Variants in GRM5 observed in about 807,000 individuals in gnomAD.
GRM5 encodes the protein metabotropic glutamate receptor 5.
GRM5 carries 19 observed loss-of-function variants against 83.1 expected under a neutral mutation model. The observed-to-expected ratio is 0.23, with a 90% CI of 0.16 to 0.34. The LOEUF (loss-of-function observed/expected upper bound fraction) is 0.34. GRM5 is among the 10% of genes least tolerant of loss of function. The pLI is 1.00. For missense variants in GRM5, 1,160 were observed against 1,588.3 expected, an observed-to-expected ratio of 0.73 and a Z score of 4.58; for synonymous variants, 675 against 633.6, an observed-to-expected ratio of 1.07 and a Z score of -0.98.
intron 4 of GRM5, among the ~76,000 whole-genome samples, chr11:88,615,369 G>A (rs1460387126): frequency 1.3e-5 from 2 of 152,130 alleles, no homozygotes; most frequent in African/African-American, 2.4e-5. Context: ...TGATGCTTAT[G>A]TATTTTACAG....
At chr11:88,687,543 C>T (rs1565187021) in intron 3 of GRM5, among the ~76,000 whole-genome samples, 213 of 17,976 alleles carry the variant, frequency 0.012, 7 homozygotes, top group Admixed American at 0.056. Flanking sequence ...TATATACACA[C>T]ACACACACAC....
intron 3 of GRM5, among the ~76,000 whole-genome samples, chr11:88,681,697 A>T (rs1940496998): frequency 6.8e-6 from 1 of 147,696 alleles, no homozygotes; most frequent in Non-Finnish European, 1.5e-5. Context: ...CAGCCTCCCA[A>T]GTAGCTGGGA....
intron 2 of GRM5, among the ~76,000 whole-genome samples, chr11:89,028,246 A>G (rs1204146098): frequency 3.9e-5 from 6 of 152,152 alleles, no homozygotes; most frequent in Admixed American, 3.9e-4. Flanking sequence ...ACATCCACGC[A>G]GCACTTATCC....
At chr11:88,651,613 C>A (rs1216573605) in intron 4 of GRM5, among the ~76,000 whole-genome samples, 1 of 152,044 alleles carries the variant, frequency 6.6e-6, no homozygotes, top group African/African-American at 2.4e-5. Context: ...TATTGTTTCT[C>A]ACGTATTTTG....
rs375207981 is a variant in GRM5 at position 88,569,195 on chromosome 11, C to T, written c.1691-1203G>A. The stretch of plus-strand genomic sequence containing the variant: ...TGACATGGGCATCAGGATTTTTTAA[C>T]AATACTGCAAGTGCTTCTAATGTGC... On this transcript the variant is annotated intron_variant, in intron 7 of 9. Transcript: ENST00000305447. 8.5e-5 allele frequency among the ~76,000 whole-genome samples: 13 copies of T among 152,236 alleles called. 1 individual carries two copies. Among genetic ancestry groups the T allele is most frequent in the Middle Eastern group, 6.8e-3 (2 of 294 alleles).
At chr11:88,575,112 G>C (rs1943081878) in intron 7 of GRM5, among the ~76,000 whole-genome samples, 5 of 150,746 alleles carry the variant, frequency 3.3e-5, no homozygotes, top group Admixed American at 3.3e-4. Context: ...TGGCATGATT[G>C]CTTTCTCCAA....
chr11:88,838,351 T>G (rs1230002826), intron 3 of GRM5, among the ~76,000 whole-genome samples: 1 of 152,094 alleles, frequency 6.6e-6, no homozygotes, highest in Admixed American at 6.5e-5. Context: ...CTGGTGAAAC[T>G]GGAGAAGGGG....
At chr11:88,749,188 GA>G (rs1591486738) in intron 3 of GRM5, among the ~76,000 whole-genome samples, 1 of 151,980 alleles carries the variant, frequency 6.6e-6, no homozygotes, top group Admixed American at 6.6e-5. Context: ...TGCTAAGAAG[GA>G]AAAAGTGATA....
chr11:88,758,273 G>A (rs1261113240), intron 3 of GRM5, among the ~76,000 whole-genome samples: 3 of 152,100 alleles, frequency 2.0e-5, no homozygotes, highest in Non-Finnish European at 2.9e-5. Context: ...AATTGGGTAG[G>A]AATGAAGATC....
intron 2 of GRM5, among the ~76,000 whole-genome samples, chr11:88,877,022 C>T (rs1190331663): frequency 6.6e-6 from 1 of 151,940 alleles, no homozygotes; most frequent in Non-Finnish European, 1.5e-5. Context: ...AAGTTGAGCT[C>T]ATTGAAGTAG....
At chr11:89,026,366 C>T (rs1941130129) in intron 2 of GRM5, among the ~76,000 whole-genome samples, 1 of 152,114 alleles carries the variant, frequency 6.6e-6, no homozygotes, top group Non-Finnish European at 1.5e-5. Context: ...TAATGTGAAA[C>T]TGCCAATAGT....
intron 9 of GRM5, among the ~76,000 whole-genome samples, chr11:88,514,936 A>G (rs1941483119): frequency 6.6e-6 from 1 of 152,156 alleles, no homozygotes; most frequent in Admixed American, 6.5e-5. Context: ...CCTCTCTCTT[A>G]AGTAGCAGTG....
chr11:88,971,673 C>T (rs1280728064), intron 2 of GRM5, among the ~76,000 whole-genome samples: 1 of 151,828 alleles, frequency 6.6e-6, no homozygotes, highest in African/African-American at 2.4e-5. Flanking sequence ...TTTTAAAATC[C>T]AGTTTATTGT....
chr11:88,993,555 A>G (rs1305446240), intron 2 of GRM5, among the ~76,000 whole-genome samples: 4 of 152,146 alleles, frequency 2.6e-5, no homozygotes, highest in Non-Finnish European at 5.9e-5. Flanking sequence ...ATCTTTCTCA[A>G]AATTGCTTTG....
intron 2 of GRM5, among the ~76,000 whole-genome samples, chr11:88,862,078 T>A (rs999248863): frequency 1.3e-5 from 2 of 152,206 alleles, no homozygotes; most frequent in Non-Finnish European, 2.9e-5. Context: ...CTACTCTGCA[T>A]TCATTGTGAT....
intron 3 of GRM5, among the ~76,000 whole-genome samples, chr11:88,794,064 C>T (rs935480773): frequency 6.6e-6 from 1 of 152,164 alleles, no homozygotes; most frequent in Non-Finnish European, 1.5e-5. Flanking sequence ...CTAAAGCAAT[C>T]TGCCTGCCTC....
At chr11:88,897,732 G>A (rs1253580250) in intron 2 of GRM5, among the ~76,000 whole-genome samples, 2 of 151,892 alleles carry the variant, frequency 1.3e-5, no homozygotes, top group Non-Finnish European at 2.9e-5. Flanking sequence ...TGTCAATACT[G>A]CTAAGGTTGA....
At chr11:89,058,369 G>A (rs181876566) in intron 1 of GRM5, among the ~76,000 whole-genome samples, 325 of 152,196 alleles carry the variant, frequency 2.1e-3, no homozygotes, top group South Asian at 0.012. Context: ...TTCACTAGAC[G>A]ACAATGCCAT....
intron 3 of GRM5, among the ~76,000 whole-genome samples, chr11:88,717,494 T>G (rs2135390737): frequency 6.6e-6 from 1 of 152,032 alleles, no homozygotes; most frequent in East Asian, 1.9e-4. Flanking sequence ...AATTAAATTT[T>G]ACAAAGATTG....
Sources: gnomAD v4.1 joint callset for allele counts (sites outside exome capture counted in the v4.1 genomes callset) on GRCh38, gnomAD v4.1.1 for gene constraint, MANE v1.5 for transcripts, NCBI Gene and HGNC (gene_info 2026-07-23, HGNC 2026-07-21) for gene names.